The following GHR variants were observed in gnomAD, a reference collection of about 807,000 sequenced individuals.
The protein encoded by GHR is GH receptor.
In GHR, 35 loss-of-function variants were observed where a neutral mutation model predicts 67.1. That is an observed-to-expected ratio of 0.52 (90% CI 0.40 to 0.69). The LOEUF (loss-of-function observed/expected upper bound fraction) is 0.69. Ranked by LOEUF, GHR falls within the 30% of genes least tolerant of loss-of-function variation. The pLI is 0.00. For synonymous variants in GHR, 272 were observed against 269.1 expected (o/e 1.01, Z -0.10); for missense variants, 792 against 764.6 (o/e 1.04, Z -0.42).
intron 4 of GHR, among the ~76,000 whole-genome samples, chr5:42,690,207 A>G (rs978151791): frequency 3.9e-5 from 6 of 152,230 alleles, no homozygotes; most frequent in African/African-American, 1.4e-4. Context: ...GAAGAGCTGG[A>G]ATAGGGAAGG....
chr5:42,564,699 G>A (rs1314856966), intron 1 of GHR, among the ~76,000 whole-genome samples: 1 of 152,096 alleles, frequency 6.6e-6, no homozygotes, highest in Non-Finnish European at 1.5e-5. Context: ...CACATCTGTA[G>A]GCCCATGGAA....
intron 6 of GHR, among the ~76,000 whole-genome samples, chr5:42,701,805 G>A (rs542290072): frequency 6.6e-6 from 1 of 152,134 alleles, no homozygotes; most frequent in South Asian, 2.1e-4. Context: ...GTAATAAAAT[G>A]TATGAACATT....
Position 42,699,083 on chromosome 5 carries a change from G to A in GHR, c.440-741G>A, listed in dbSNP as rs78013367. Among the ~76,000 whole-genome samples the A allele has an allele frequency of 9.0e-3, 1,375 of 152,326 alleles. 10 individuals carry two copies. The highest frequency in any genetic ancestry group is 0.014 in the South Asian group (69 of 4,822). ...AACACTGAATTGTCACCATTTGTGA[G>A]ACTAGCATAATGCTTTCTTCCTTCT... On this transcript the variant is annotated intron_variant, in intron 5 of 9. Transcript: ENST00000230882.
intron 1 of GHR, among the ~76,000 whole-genome samples, chr5:42,427,580 TA>T (rs1742909094): frequency 6.6e-6 from 1 of 152,150 alleles, no homozygotes; most frequent in Non-Finnish European, 1.5e-5. Context: ...TAGCCCCTCC[TA>T]AATCTCATGT....
At chr5:42,576,099 T>TAAATAAAATAAAATAAAATA (rs1554021413) in intron 2 of GHR, among the ~76,000 whole-genome samples, 6 of 69,234 alleles carry the variant, frequency 8.7e-5, no homozygotes, top group African/African-American at 2.3e-4. Context: ...TAAAATAAAA[T>TAAATAAAATAAAATAAAATA]AAATAAAATA....
At chr5:42,538,126 T>G (rs757948882) in intron 1 of GHR, among the ~76,000 whole-genome samples, 2 of 152,226 alleles carry the variant, frequency 1.3e-5, no homozygotes, top group Non-Finnish European at 2.9e-5. Flanking sequence ...GTTCTGTATC[T>G]TTTAAGTGGA....
intron 3 of GHR, among the ~76,000 whole-genome samples, chr5:42,632,409 T>C (rs888125765): frequency 1.5e-4 from 23 of 152,190 alleles, no homozygotes; most frequent in African/African-American, 5.1e-4. Flanking sequence ...GAGAGACACA[T>C]ATGGTCAAAC....
chr5:42,584,029 T>G (rs1369454435), intron 2 of GHR, among the ~76,000 whole-genome samples: 3 of 151,964 alleles, frequency 2.0e-5, no homozygotes, highest in African/African-American at 7.2e-5. Context: ...AGTAGTCTTC[T>G]TTTTTCCAGG....
intron 1 of GHR, among the ~76,000 whole-genome samples, chr5:42,487,147 T>G (rs1182356160): frequency 1.3e-5 from 2 of 152,204 alleles, no homozygotes; most frequent in Non-Finnish European, 2.9e-5. Context: ...TACTTTGCAT[T>G]CTAATGATGT....
chr5:42,504,673 C>T (rs553501899), intron 1 of GHR, among the ~76,000 whole-genome samples: 116 of 152,146 alleles, frequency 7.6e-4, no homozygotes, highest in African/African-American at 2.6e-3. Context: ...GCAGGAGAAT[C>T]GCTTGAACCC....
At chr5:42,556,112 C>T (rs1163357608) in intron 1 of GHR, among the ~76,000 whole-genome samples, 1 of 152,024 alleles carries the variant, frequency 6.6e-6, no homozygotes, top group African/African-American at 2.4e-5. Flanking sequence ...ATGTTGGACT[C>T]GATAAAAGGA....
intron 3 of GHR, among the ~76,000 whole-genome samples, chr5:42,679,056 A>G (rs971013880): frequency 1.4e-5 from 2 of 145,720 alleles, no homozygotes; most frequent in African/African-American, 5.0e-5. Flanking sequence ...CAATATGTAA[A>G]CAATATATTA....
chr5:42,650,578 C>CATATATATATATAT (rs35408817), intron 3 of GHR, among the ~76,000 whole-genome samples: 403 of 128,860 alleles, frequency 3.1e-3, no homozygotes, highest in East Asian at 0.011. Context: ...TTACAGATAA[C>CATATATATATATAT]ATATATATAT....
At chr5:42,574,055 G>T (rs1461604093) in intron 2 of GHR, among the ~76,000 whole-genome samples, 3 of 152,172 alleles carry the variant, frequency 2.0e-5, no homozygotes, top group Non-Finnish European at 4.4e-5. Context: ...GGACCATTTT[G>T]TGTTTGGCTA....
At chr5:42,523,748 CAACTT>C (rs1311453393) in intron 1 of GHR, among the ~76,000 whole-genome samples, 5 of 152,142 alleles carry the variant, frequency 3.3e-5, no homozygotes, top group Non-Finnish European at 7.4e-5. Flanking sequence ...AACCAAATCT[CAACTT>C]GAATTGTATT....
At chr5:42,562,644 C>CTTTTT (rs1212633265) in intron 1 of GHR, among the ~76,000 whole-genome samples, 5 of 77,748 alleles carry the variant, frequency 6.4e-5, no homozygotes, top group African/African-American at 1.1e-4. Flanking sequence ...GTTATAGTTC[C>CTTTTT]TTTTTTTTTT....
In GHR at chr5:42,488,067, G is replaced by C. The variant is rs551104377; in HGVS notation, c.-12+64112G>C. On this transcript the variant is annotated intron_variant, in intron 1 of 9. Coordinates refer to ENST00000230882, the MANE Select transcript of GHR (RefSeq NM_000163.5). ...TGCATACACACAGTCTACTTGCTGTGTGCATGCTCTGGCTCCTGTCTCCTT... is the reference window on the plus strand; with the variant it reads ...TGCATACACACAGTCTACTTGCTGTCTGCATGCTCTGGCTCCTGTCTCCTT... Among the ~76,000 whole-genome samples the C allele has an allele frequency of 1.3e-4, 20 of 152,294 alleles. No homozygotes were observed. In the South Asian group the frequency reaches 3.3e-3, roughly 25 times the overall value.
At chr5:42,592,748 G>C (rs1355435402) in intron 2 of GHR, among the ~76,000 whole-genome samples, 1 of 150,348 alleles carries the variant, frequency 6.7e-6, no homozygotes, top group Non-Finnish European at 1.5e-5. Flanking sequence ...CTTTATGGTA[G>C]AGCAGTTTAT....
chr5:42,591,765 C>A (rs1214918722), intron 2 of GHR, among the ~76,000 whole-genome samples: 1 of 152,140 alleles, frequency 6.6e-6, no homozygotes, highest in Non-Finnish European at 1.5e-5. Flanking sequence ...AGACTTTGAC[C>A]TTTCTCTTCC....
Sources: allele counts gnomAD v4.1 joint callset (sites outside exome capture counted in the v4.1 genomes callset), GRCh38; gene constraint gnomAD v4.1.1; transcripts MANE v1.5; gene names NCBI Gene and HGNC (gene_info 2026-07-23, HGNC 2026-07-21).